MACROD2: variants seen among roughly 807,000 people sequenced by gnomAD.
MACROD2 encodes the protein ADP-ribose glycohydrolase MACROD2.
MACROD2 carries 36 observed loss-of-function variants against 70.4 expected under a neutral mutation model. That is an observed-to-expected ratio of 0.51 (90% CI 0.39 to 0.68). The LOEUF (loss-of-function observed/expected upper bound fraction) is 0.68, where lower values mean the gene tolerates loss of function less well. Ranked by LOEUF, MACROD2 falls within the 30% of genes least tolerant of loss-of-function variation. The pLI is 0.00. For missense variants in MACROD2, 496 were observed against 538.4 expected, an observed-to-expected ratio of 0.92 and a Z score of 0.78; for synonymous variants, 172 against 178.8, an observed-to-expected ratio of 0.96 and a Z score of 0.30.
At chr20:15,400,111 T>A (rs1055156045) in intron 6 of MACROD2, among the ~76,000 whole-genome samples, 2 of 152,190 alleles carry the variant, frequency 1.3e-5, no homozygotes, top group African/African-American at 4.8e-5. Context: ...TCACTTAGCT[T>A]TTCTGCTTAA....
chr20:14,487,321 G>T (rs1050667995), intron 3 of MACROD2, among the ~76,000 whole-genome samples: 1 of 151,876 alleles, frequency 6.6e-6, no homozygotes, highest in African/African-American at 2.4e-5. Context: ...ATGGTCACAT[G>T]AATGTATGCC....
At chr20:15,285,606 G>A (rs999096023) in intron 6 of MACROD2, among the ~76,000 whole-genome samples, 7 of 152,090 alleles carry the variant, frequency 4.6e-5, no homozygotes, top group African/African-American at 1.7e-4. Context: ...TTCTAACTAC[G>A]CTGTTGCCAT....
intron 8 of MACROD2, among the ~76,000 whole-genome samples, chr20:15,790,104 A>G (rs1042472536): frequency 6.6e-6 from 1 of 152,046 alleles, no homozygotes; most frequent in African/African-American, 2.4e-5. Flanking sequence ...ACAATGTAAC[A>G]TCTAAGTTGA....
At chr20:14,635,394 TTTTCCAACTTTCCAAAAA>T (rs961633874) in intron 4 of MACROD2, among the ~76,000 whole-genome samples, 2 of 152,114 alleles carry the variant, frequency 1.3e-5, no homozygotes, top group Admixed American at 6.5e-5. Flanking sequence ...AAATGCTCCA[TTTTCCAACTTTCCAAAAA>T]GCAGCAATAC....
intron 6 of MACROD2, among the ~76,000 whole-genome samples, chr20:15,411,564 A>G (rs1373116644): frequency 1.3e-5 from 2 of 152,184 alleles, no homozygotes. Flanking sequence ...GATTGCATGG[A>G]TTTGAACAAG....
chr20:15,716,065 T>C (rs1209993028), intron 8 of MACROD2, among the ~76,000 whole-genome samples: 5 of 152,178 alleles, frequency 3.3e-5, no homozygotes, highest in Non-Finnish European at 7.4e-5. Flanking sequence ...AATAAAACTA[T>C]TAAATTATTT....
At chr20:15,027,458 C>T (rs574659961) in intron 5 of MACROD2, among the ~76,000 whole-genome samples, 3 of 152,158 alleles carry the variant, frequency 2.0e-5, no homozygotes, top group Admixed American at 1.3e-4. Context: ...GTTTGAATTA[C>T]AGCTCTACTA....
At chr20:14,309,859 T>C (rs2082551229) in intron 3 of MACROD2, among the ~76,000 whole-genome samples, 1 of 152,216 alleles carries the variant, frequency 6.6e-6, no homozygotes, top group South Asian at 2.1e-4. Flanking sequence ...TGCTATAGTT[T>C]ACAAGTGTTC....
At chr20:15,346,527 G>A (rs149868178) in intron 6 of MACROD2, among the ~76,000 whole-genome samples, 40 of 152,212 alleles carry the variant, frequency 2.6e-4, no homozygotes, top group South Asian at 2.1e-3. Context: ...TCCATTCTTC[G>A]TTCATAGAGC....
At chr20:15,907,671 G>A (rs751947433) in intron 10 of MACROD2, among the ~76,000 whole-genome samples, 5 of 152,194 alleles carry the variant, frequency 3.3e-5, no homozygotes, top group Non-Finnish European at 5.9e-5. Flanking sequence ...ACGGTGTGCC[G>A]TGAGTGTGGA....
chr20:15,457,701 G>T (rs2046747111), intron 7 of MACROD2, among the ~76,000 whole-genome samples: 1 of 151,970 alleles, frequency 6.6e-6, no homozygotes, highest in African/African-American at 2.4e-5. Context: ...CTGTTTTATG[G>T]CTAATGCTCT....
At chr20:16,012,334 T>C (rs2066874391) in intron 15 of MACROD2, among the ~76,000 whole-genome samples, 1 of 152,258 alleles carries the variant, frequency 6.6e-6, no homozygotes, top group South Asian at 2.1e-4. Flanking sequence ...TGAATAGAGC[T>C]GCTTCTACAT....
At chr20:15,505,957 T>C (rs2146502317) in intron 8 of MACROD2, among the ~76,000 whole-genome samples, 1 of 152,340 alleles carries the variant, frequency 6.6e-6, no homozygotes, top group South Asian at 2.1e-4. Flanking sequence ...TAGTTTACTC[T>C]GTGCCTTCGG....
chr20:15,361,332 C>T (rs1362596677), intron 6 of MACROD2, among the ~76,000 whole-genome samples: 1 of 152,172 alleles, frequency 6.6e-6, no homozygotes, highest in Non-Finnish European at 1.5e-5. Context: ...TATCCTTACT[C>T]TATTGAATTG....
intron 15 of MACROD2, among the ~76,000 whole-genome samples, chr20:16,010,527 A>C (rs1176754257): frequency 6.6e-6 from 1 of 152,202 alleles, no homozygotes; most frequent in Non-Finnish European, 1.5e-5. Flanking sequence ...GAATAGGAAA[A>C]AAAATAACAC....
At chr20:14,605,770 G>C (rs1982760974) in intron 4 of MACROD2, among the ~76,000 whole-genome samples, 1 of 151,538 alleles carries the variant, frequency 6.6e-6, no homozygotes, top group Non-Finnish European at 1.5e-5. Context: ...ACTGAATCTT[G>C]ACTTATTGTT....
intron 3 of MACROD2, among the ~76,000 whole-genome samples, chr20:14,348,483 A>T (rs2083087183): frequency 6.6e-6 from 1 of 152,028 alleles, no homozygotes; most frequent in Non-Finnish European, 1.5e-5. Context: ...ATTTCTATTT[A>T]CATTTGGCTC....
chr20:14,181,602 A>G (rs2081306156), intron 3 of MACROD2, among the ~76,000 whole-genome samples: 2 of 151,136 alleles, frequency 1.3e-5, no homozygotes, highest in Admixed American at 1.3e-4. Context: ...TTTTTTCCCC[A>G]GAAGGAAATC....
chr20:14,265,869 C>T (rs2423780), intron 3 of MACROD2, among the ~76,000 whole-genome samples: 90,022 of 150,796 alleles, frequency 0.6, 28,487 homozygotes, highest in Non-Finnish European at 0.71. Flanking sequence ...CTCCGCCTTC[C>T]GGGTTCACGC....
Sources: gnomAD v4.1 joint callset for allele counts (sites outside exome capture counted in the v4.1 genomes callset) on GRCh38, gnomAD v4.1.1 for gene constraint, MANE v1.5 for transcripts, NCBI Gene and HGNC (gene_info 2026-07-23, HGNC 2026-07-21) for gene names.